WWOX: variants seen among roughly 807,000 people sequenced by gnomAD.
WWOX encodes the protein WW domain-containing oxidoreductase.
In WWOX, 69 loss-of-function variants were observed where a neutral mutation model predicts 46.2. The observed-to-expected ratio is 1.49, with a 90% CI of 1.23 to 1.82. The LOEUF (loss-of-function observed/expected upper bound fraction) is 1.82. WWOX is among the 40% of genes most tolerant of loss of function. WWOX has a pLI of 0.00. For missense variants in WWOX, 919 were observed against 542.6 expected (o/e 1.69, Z -6.89); for synonymous variants, 359 against 202.6 (o/e 1.77, Z -6.56).
intron 5 of WWOX, among the ~76,000 whole-genome samples, chr16:78,204,147 C>T (rs759229020): frequency 2.0e-5 from 3 of 152,208 alleles, no homozygotes; most frequent in African/African-American, 7.2e-5. Flanking sequence ...AGAGCCATAG[C>T]AGCTGGCTTC....
intron 8 of WWOX, among the ~76,000 whole-genome samples, chr16:78,705,677 G>GTTAT (rs945762866): frequency 1.5e-4 from 23 of 152,084 alleles, no homozygotes; most frequent in African/African-American, 5.1e-4. Context: ...TGTTTATTTA[G>GTTAT]TTATTTATTT....
intron 8 of WWOX, among the ~76,000 whole-genome samples, chr16:78,868,806 G>T (rs1310707502): frequency 6.6e-6 from 1 of 152,104 alleles, no homozygotes; most frequent in Non-Finnish European, 1.5e-5. Flanking sequence ...TAATAATCTG[G>T]CAGGAGAGGA....
intron 8 of WWOX, among the ~76,000 whole-genome samples, chr16:78,606,785 C>G (rs1464025283): frequency 7.8e-6 from 1 of 128,110 alleles, no homozygotes; most frequent in Non-Finnish European, 1.6e-5. Context: ...ACAGGCTGTT[C>G]TGAAAACAGG....
chr16:79,124,349 GA>G (rs34806457), intron 8 of WWOX, among the ~76,000 whole-genome samples: 1 of 150,722 alleles, frequency 6.6e-6, no homozygotes, highest in East Asian at 1.9e-4. Context: ...TGGACTTTTT[GA>G]AAAAAAAATC....
chr16:78,957,099 A>G (rs2046182640), intron 8 of WWOX, among the ~76,000 whole-genome samples: 1 of 152,192 alleles, frequency 6.6e-6, no homozygotes, highest in African/African-American at 2.4e-5. Context: ...CACTGGGAAG[A>G]TAGTAAACGC....
intron 8 of WWOX, among the ~76,000 whole-genome samples, chr16:79,026,469 C>T (rs1258548040): frequency 6.6e-6 from 1 of 151,686 alleles, no homozygotes; most frequent in African/African-American, 2.4e-5. Context: ...CATCAGCTTG[C>T]AGTTCTGTAC....
chr16:79,103,106 G>T (rs549342407), intron 8 of WWOX, among the ~76,000 whole-genome samples: 188 of 152,240 alleles, frequency 1.2e-3, no homozygotes, highest in African/African-American at 4.3e-3. Context: ...CACCTAAGTG[G>T]TTAAGTCTCT....
At position 79,124,970 on chromosome 16, in the gene WWOX, G is replaced by A. The variant is rs572561349; in HGVS notation, c.1057-86638G>A. Among the ~76,000 whole-genome samples the A allele has an allele frequency of 5.5e-4, 83 of 151,902 alleles. 1 individual carries two copies. Among genetic ancestry groups the A allele is most frequent in the African/African-American group, 2.0e-3 (82 of 41,432 alleles). On this transcript the variant is annotated intron_variant, in intron 8 of 8. Coordinates refer to ENST00000566780, the MANE Select transcript of WWOX (RefSeq NM_016373.4). ...CTGAGAGAGTTAATGATTTTCTCCAGATCATTCACATTCATTTCTGTTACA... is the reference window on the plus strand; with the variant it reads ...CTGAGAGAGTTAATGATTTTCTCCAAATCATTCACATTCATTTCTGTTACA...
intron 8 of WWOX, among the ~76,000 whole-genome samples, chr16:78,842,011 T>C (rs952983055): frequency 6.6e-6 from 1 of 152,116 alleles, no homozygotes; most frequent in African/African-American, 2.4e-5. Flanking sequence ...AGAGACACAC[T>C]ATAAAGGTGA....
chr16:78,584,854 G>C (rs774755084), intron 8 of WWOX, among the ~76,000 whole-genome samples: 2 of 152,208 alleles, frequency 1.3e-5, no homozygotes, highest in South Asian at 4.1e-4. Context: ...ATTTGTGCAC[G>C]TCGGTGCGTG....
intron 8 of WWOX, among the ~76,000 whole-genome samples, chr16:78,885,235 A>G (rs2044430121): frequency 9.4e-6 from 1 of 106,134 alleles, no homozygotes; most frequent in Admixed American, 1.0e-4. Flanking sequence ...TTGTAAATGC[A>G]GAAGGAACAC....
intron 8 of WWOX, among the ~76,000 whole-genome samples, chr16:78,636,044 G>T (rs1168465001): frequency 6.6e-6 from 1 of 152,080 alleles, no homozygotes; most frequent in Admixed American, 6.6e-5. Context: ...TGCTCGCTGC[G>T]GAACACTGCC....
chr16:78,238,704 C>A (rs752408885), intron 5 of WWOX, among the ~76,000 whole-genome samples: 8 of 152,056 alleles, frequency 5.3e-5, no homozygotes, highest in Non-Finnish European at 5.9e-5. Context: ...GCCATGATCT[C>A]TACCTCCCAG....
intron 8 of WWOX, chr16:78,891,326 C>A (rs1183182389): frequency 6.6e-6 from 1 of 152,116 alleles, no homozygotes; most frequent in Non-Finnish European, 1.5e-5. Context: ...TCCTCCCTTC[C>A]CTCCTTTCTG....
intron 8 of WWOX, among the ~76,000 whole-genome samples, chr16:78,886,039 C>G (rs1249049420): frequency 1.3e-5 from 2 of 151,702 alleles, no homozygotes; most frequent in African/African-American, 4.8e-5. Context: ...ATTCTCCCAC[C>G]TCAGCATCCT....
chr16:79,152,696 C>T (rs968556740), intron 8 of WWOX, among the ~76,000 whole-genome samples: 2 of 151,618 alleles, frequency 1.3e-5, no homozygotes, highest in African/African-American at 2.4e-5. Flanking sequence ...AAACAAAAAC[C>T]TGCCCTGCCC....
chr16:78,963,481 A>G (rs1410342032), intron 8 of WWOX, among the ~76,000 whole-genome samples: 1 of 152,148 alleles, frequency 6.6e-6, no homozygotes, highest in Non-Finnish European at 1.5e-5. Flanking sequence ...AACAAAAACA[A>G]ATAAACAAAC....
chr16:78,888,122 G>C (rs1441630003), intron 8 of WWOX, among the ~76,000 whole-genome samples: 1 of 152,120 alleles, frequency 6.6e-6, no homozygotes, highest in Non-Finnish European at 1.5e-5. Context: ...TTGTTGTAGT[G>C]TCAGTGCCAT....
chr16:78,730,894 A>T (rs561337827), intron 8 of WWOX, among the ~76,000 whole-genome samples: 3 of 152,252 alleles, frequency 2.0e-5, no homozygotes, highest in South Asian at 4.2e-4. Flanking sequence ...GGAGATGCAG[A>T]AACTGAGTAG....
Sources: gnomAD v4.1 joint callset for allele counts (sites outside exome capture counted in the v4.1 genomes callset) on GRCh38, gnomAD v4.1.1 for gene constraint, MANE v1.5 for transcripts, NCBI Gene and HGNC (gene_info 2026-07-23, HGNC 2026-07-21) for gene names.